The following DOCK5 variants were observed in gnomAD, a reference collection of about 807,000 sequenced individuals.
DOCK5 encodes dedicator of cytokinesis 5.
DOCK5 carries 142 observed loss-of-function variants against 251.8 expected under a neutral mutation model. The observed-to-expected ratio is 0.56, with a 90% CI of 0.49 to 0.65. The LOEUF is 0.65. Among genes scored for constraint, DOCK5 ranks in the 30% least tolerant of loss-of-function variants. The probability of loss-of-function intolerance (pLI) is 0.00; values close to 1 mark genes in which losing one functional copy is unlikely to be tolerated. For synonymous variants in DOCK5, 842 were observed against 835.5 expected (o/e 1.01, Z -0.13); for missense variants, 2,111 against 2,312.3 (o/e 0.91, Z 1.79).
At chr8:25,331,801 TAGAGAGAG>T (rs59239520) in intron 18 of DOCK5, among the ~76,000 whole-genome samples, 9,001 of 118,164 alleles carry the variant, frequency 0.076, 346 homozygotes, top group East Asian at 0.13. Flanking sequence ...TATATATATA[TAGAGAGAG>T]AGAGAGAGAG....
At chr8:25,383,149 G>T (rs1036544221) in intron 40 of DOCK5, among the ~76,000 whole-genome samples, 4 of 152,246 alleles carry the variant, frequency 2.6e-5, no homozygotes, top group Non-Finnish European at 5.9e-5. Context: ...CAGACTGCAG[G>T]AGTATCCCAA....
intron 5 of DOCK5, among the ~76,000 whole-genome samples, chr8:25,279,571 A>G (rs1804135123): frequency 6.6e-6 from 1 of 150,648 alleles, no homozygotes. Context: ...GGTTCATGCC[A>G]TTCTCCTCCT....
At position 25,410,155 on chromosome 8, in the gene DOCK5, C is replaced by A; in HGVS notation, c.5461C>A (p.Pro1821Thr). Residue 1821 changes from proline to threonine, a missense_variant, in exon 51 of 52, where the codon CCC becomes ACC. Pro to Thr is a conservative substitution (Grantham distance 38, BLOSUM62 -1). Around this residue, in one of 3 missense-constraint regions of DOCK5, gnomAD observed 1,717 missense variants for 1,892.4 expected, o/e 0.91. Coordinates refer to ENST00000276440, the MANE Select transcript of DOCK5 (RefSeq NM_024940.8). ...IAATPVPPPPPPKSKPYEGSQ... is the reference protein window; with the variant it reads ...IAATPVPPPPTPKSKPYEGSQ... Reference sequence around the variant, plus strand: ...GGCCACTCCTGTCCCACCTCCACCTCCCCCCAAAAGCAAGCCCTATGAAGG... The same window carrying A: ...GGCCACTCCTGTCCCACCTCCACCTACCCCCAAAAGCAAGCCCTATGAAGG... The A allele has an allele frequency of 6.2e-7, 1 of 1,613,490 alleles. No individual in the cohort carries two copies. Among genetic ancestry groups the A allele is most frequent in the Non-Finnish European group, 8.5e-7 (1 of 1,179,736 alleles).
intron 1 of DOCK5, among the ~76,000 whole-genome samples, chr8:25,197,555 T>G (rs1801759281): frequency 1.6e-5 from 2 of 124,186 alleles, no homozygotes; most frequent in Middle Eastern, 4.1e-3. Context: ...ATGCCCTCTC[T>G]TTAAGGATCG....
chr8:25,289,772 G>T (rs1465783556), intron 5 of DOCK5, among the ~76,000 whole-genome samples: 3 of 151,992 alleles, frequency 2.0e-5, no homozygotes, highest in African/African-American at 4.8e-5. Context: ...AACGCGGGAT[G>T]GGGAGGTTGT....
chr8:25,363,829 C>T (rs1396849491), intron 29 of DOCK5, among the ~76,000 whole-genome samples: 5 of 152,250 alleles, frequency 3.3e-5, no homozygotes, highest in Non-Finnish European at 7.3e-5. Flanking sequence ...TAACCTCTGG[C>T]TGTCAGCATT....
At chr8:25,218,102 C>T (rs557348731) in intron 1 of DOCK5, among the ~76,000 whole-genome samples, 70 of 152,314 alleles carry the variant, frequency 4.6e-4, no homozygotes, top group South Asian at 8.3e-4. Context: ...GAGGCAGGTA[C>T]ATGAACAAAC....
intron 1 of DOCK5, among the ~76,000 whole-genome samples, chr8:25,207,242 C>G (rs1802021959): frequency 1.3e-5 from 2 of 152,142 alleles, no homozygotes; most frequent in African/African-American, 4.8e-5. Context: ...AAGCCATTGC[C>G]ATAGCATAGA....
At chr8:25,342,172 T>C (rs781353777) in intron 24 of DOCK5, among the ~76,000 whole-genome samples, 1 of 152,080 alleles carries the variant, frequency 6.6e-6, no homozygotes, top group African/African-American at 2.4e-5. Context: ...AAAGTGATGA[T>C]GGACGTGGGT....
chr8:25,256,732 C>G (rs1011839168), intron 2 of DOCK5, among the ~76,000 whole-genome samples: 5 of 151,278 alleles, frequency 3.3e-5, no homozygotes, highest in African/African-American at 1.2e-4. Context: ...ATTGCTGACA[C>G]TAAGTGTTTA....
intron 32 of DOCK5, 140 bp from the exon 33 acceptor site, chr8:25,368,431 T>G: frequency 8.9e-7 from 1 of 1,119,244 alleles, no homozygotes; most frequent in Non-Finnish European, 1.3e-6. Context: ...GGCATCCACA[T>G]GCTATCAGAA....
chr8:25,311,657 C>T (rs1282699358), intron 13 of DOCK5, among the ~76,000 whole-genome samples: 1 of 152,052 alleles, frequency 6.6e-6, no homozygotes, highest in Non-Finnish European at 1.5e-5. Flanking sequence ...CATGGTGGCT[C>T]ACGTCTGTAA....
intron 48 of DOCK5, among the ~76,000 whole-genome samples, chr8:25,404,745 G>A (rs1042104144): frequency 6.6e-6 from 1 of 151,908 alleles, no homozygotes. Flanking sequence ...AATCTCGTAT[G>A]TGAAATTGCT....
Position 25,364,609 on chromosome 8 carries a change from GTGT to G in DOCK5, c.3045-15_3045-13del. The G allele has an allele frequency of 2.5e-6, 4 of 1,576,712 alleles. No individual in the cohort carries two copies. Among genetic ancestry groups the G allele is most frequent in the Non-Finnish European group, 3.5e-6 (4 of 1,154,854 alleles). On this transcript the variant is annotated splice_polypyrimidine_tract_variant and intron_variant, in intron 29 of 51. Coordinates refer to ENST00000276440, the MANE Select transcript of DOCK5 (RefSeq NM_024940.8). Reference sequence around the variant, plus strand: ...GACATACAGTTGGCTTCTTTATCTGGTGTTTTCCTTCCGCAGGGTTTTTCTCCG... The same window carrying G: ...GACATACAGTTGGCTTCTTTATCTGGTTTCCTTCCGCAGGGTTTTTCTCCG...
At chr8:25,281,877 TAAAAAAAAAAAGAAAAAAA>T (rs1236169776) in intron 5 of DOCK5, among the ~76,000 whole-genome samples, 14 of 74,964 alleles carry the variant, frequency 1.9e-4, no homozygotes, top group African/African-American at 6.4e-4. Flanking sequence ...AGACTCCGTT[TAAAAAAAAAAAGAAAAAAA>T]AAAAAAAAAA....
In DOCK5 at chr8:25,209,375, G is replaced by A. The variant is rs1050470900; in HGVS notation, c.43+24424G>A. Among the ~76,000 whole-genome samples, 6 of 70,792 alleles carry A rather than the reference G, an allele frequency of 8.5e-5. 2 individuals are homozygous for A. The highest frequency in any genetic ancestry group is 1.9e-4 in the Non-Finnish European group (4 of 21,596). 46.4% of individuals were successfully genotyped at this position (70,792 alleles called of 152,430 possible). On this transcript the variant is annotated intron_variant, in intron 1 of 51. Transcript: ENST00000276440. Reference sequence around the variant, plus strand: ...GGAAGGATGCTTCCTTTCAATAAGCGAACATTGTGAGGGAGCGGGGTGGAG... The same window carrying A: ...GGAAGGATGCTTCCTTTCAATAAGCAAACATTGTGAGGGAGCGGGGTGGAG...
At chr8:25,368,837 C>T (rs186994882) in intron 33 of DOCK5, 112 bp downstream of exon 33, 30 of 1,148,752 alleles carry the variant, frequency 2.6e-5, no homozygotes, top group Non-Finnish European at 3.2e-5. Flanking sequence ...CCATGTTGAT[C>T]TGAAAGTTCA....
chr8:25,283,766 A>G (rs182940036), intron 5 of DOCK5, among the ~76,000 whole-genome samples: 2 of 152,300 alleles, frequency 1.3e-5, no homozygotes, highest in Admixed American at 6.5e-5. Flanking sequence ...CTCACCATAC[A>G]TAGAGAACCT....
chr8:25,224,355 G>A (rs1802468934), intron 1 of DOCK5, among the ~76,000 whole-genome samples: 1 of 152,186 alleles, frequency 6.6e-6, no homozygotes, highest in Admixed American at 6.5e-5. Flanking sequence ...CTGGCCTCAA[G>A]TGATCTGCCC....
Sources: allele counts gnomAD v4.1 joint callset (sites outside exome capture counted in the v4.1 genomes callset), GRCh38; gene constraint gnomAD v4.1.1; regional missense constraint gnomAD v4.1.1; transcripts MANE v1.5; gene names NCBI Gene and HGNC (gene_info 2026-07-23, HGNC 2026-07-21).